The following HSPG2 variants were observed in gnomAD, a reference collection of about 807,000 sequenced individuals.
HSPG2 encodes heparan sulfate proteoglycan 2, also known as basement membrane-specific heparan sulfate proteoglycan core protein.
Under a neutral mutation model 526.6 loss-of-function variants are expected in HSPG2, and 278 were observed. The observed-to-expected ratio is 0.53, with a 90% CI of 0.48 to 0.58. The LOEUF (loss-of-function observed/expected upper bound fraction) is 0.58. Among genes scored for constraint, HSPG2 ranks in the 20% least tolerant of loss-of-function variants. HSPG2 has a pLI of 0.00. For synonymous variants in HSPG2, 2,465 were observed against 2,555.4 expected (o/e 0.96, Z 1.07); for missense variants, 5,354 against 6,099.5 (o/e 0.88, Z 4.07).
rs1288227508 is a variant in HSPG2 at position 21,872,307 on chromosome 1, A to C, written c.4100T>G (p.Leu1367Arg). Residue 1367 changes from leucine (L) to arginine (R), a missense_variant, in exon 33 of 97, where the codon CTG becomes CGG. Leu to Arg is a moderately radical substitution (Grantham distance 102). Transcript: ENST00000374695. The surrounding 1 kb of genome is among the most constrained non-coding windows in gnomAD (Gnocchi z 5.5). ...GGGTTCCACAGTGAATTCTCCTGTC[A>C]GGCGGCTGTTTCGCTGTGGGTTCAC... ...ALVNPQRNSR[L>R]TGEFTVEPVP... 6.4e-7 allele frequency: 1 copy of C among 1,573,514 alleles called. No individual in the cohort carries two copies. The highest frequency in any genetic ancestry group is 8.6e-7 in the Non-Finnish European group (1 of 1,159,264).
In HSPG2 at chr1:21,874,901, G is replaced by T. The variant is rs746636903; in HGVS notation, c.3404C>A (p.Pro1135Gln). Residue 1135 changes from proline to glutamine, a missense_variant, in exon 26 of 97, where the codon CCG (proline) becomes CAG (glutamine). Coordinates refer to ENST00000374695, the MANE Select transcript of HSPG2 (RefSeq NM_005529.7). Reference sequence around the variant, plus strand: ...GGGCCCAGGACTCACCTGGCAGGACGGCCCACGGTACCCGGGTGGGCAGGA... The same window carrying T: ...GGGCCCAGGACTCACCTGGCAGGACTGCCCACGGTACCCGGGTGGGCAGGA... ...QCSCPPGYRGPSCQDCDTGYT... is the reference protein window; with the variant it reads ...QCSCPPGYRGQSCQDCDTGYT... 2 of 1,611,126 alleles carry T rather than the reference G, an allele frequency of 1.2e-6. No homozygotes were observed. The highest frequency in any genetic ancestry group is 1.3e-5 in the African/African-American group (1 of 74,868).
chr1:21,873,907 C>G lies in HSPG2; in HGVS notation c.3743+18G>C. ...CCCCCTGTGCGCATCCCCCCACCCT[C>G]TCCACCCCCTGCCTCACCTCTCACA... is the stretch of plus-strand genomic sequence containing the variant. On this transcript the variant is annotated intron_variant, in intron 29 of 96. Transcript: ENST00000374695. The G allele has an allele frequency of 6.4e-7, 1 of 1,561,134 alleles. No homozygotes were observed.
rs368801694 is a variant in HSPG2, at chr1:21,861,809, C to T, written c.4903G>A (p.Gly1635Arg). The change falls in exon 39 of 97, where the codon GGG becomes AGG. Residue 1635 changes from glycine (G) to arginine (R), a missense_variant. Coordinates refer to ENST00000374695, the MANE Select transcript of HSPG2 (RefSeq NM_005529.7). ...SRTCESLGAG[G>R]YRCTACEPGY... ...GGTTCGCAGGCCGTGCAGCGGTACC[C>T]GCCGGCTCCCAGGCTCTCACAGGTG... 5.0e-5 allele frequency: 81 copies of T among 1,613,788 alleles called. No individual in the cohort carries two copies. Among genetic ancestry groups the T allele is most frequent in the Middle Eastern group, 1.6e-4 (1 of 6,062 alleles).
chr1:21,830,492 G>C (rs1022167842), intron 85 of HSPG2: 1 of 294,088 alleles, frequency 3.4e-6, no homozygotes, highest in African/African-American at 2.2e-5. Flanking sequence ...TTCAAGACCA[G>C]CCATGGCCAA....
intron 1 of HSPG2, among the ~76,000 whole-genome samples, chr1:21,897,372 G>A (rs1329109429): frequency 5.3e-5 from 8 of 152,174 alleles, no homozygotes; most frequent in Non-Finnish European, 1.0e-4. Context: ...AAACCCACAA[G>A]GGCTAGACAA....
At chr1:21,932,738 C>A (rs1394666987) in intron 1 of HSPG2, among the ~76,000 whole-genome samples, 2 of 152,136 alleles carry the variant, frequency 1.3e-5, no homozygotes, top group Non-Finnish European at 2.9e-5. Context: ...GACGCAGAGA[C>A]CCTAAGGTGG....
chr1:21,850,466 C>T lies in HSPG2; in HGVS notation c.7191G>A (p.Ala2397=), dbSNP rs2290499. ...THGSLLRLYQ[A]SPADSGEYVC... ...CGTACTCGCCCGAGTCGGCGGGGGACGCTTGGTAGAGTCTCAGCAGGGAGC... is the reference window on the plus strand; with the variant it reads ...CGTACTCGCCCGAGTCGGCGGGGGATGCTTGGTAGAGTCTCAGCAGGGAGC... Residue 2397 remains alanine (A), a synonymous_variant, in exon 56 of 97, where the codon GCG becomes GCA. Transcript: ENST00000374695. The T allele has an allele frequency of 1.7e-3, 2,675 of 1,611,986 alleles. 23 individuals are homozygous for T. Among genetic ancestry groups the T allele is most frequent in the East Asian group, 0.016 (700 of 44,836 alleles).
Position 21,859,912 on chromosome 1 carries a change from C to T in HSPG2, c.5105G>A (p.Gly1702Glu). ...CCAATAGAAGTAGTGGGGTGGGCTC[C>T]CACTGACCTGACACCGCAGGGAGTG... is the stretch of plus-strand genomic sequence containing the variant. ...GSHSLRCQVS[G>E]SPPHYFYWSR... is the part of the protein sequence containing the mutation. The change falls in exon 41 of 97, where the codon GGG (glycine) becomes GAG (glutamate). Residue 1702 changes from glycine (G) to glutamate (E), a missense_variant. By Grantham distance (98) the Gly-to-Glu change is moderately conservative. Transcript: ENST00000374695. This position sits in a 1 kb window ranked among gnomAD's most constrained non-coding sequence, Gnocchi z 5.3. The T allele has an allele frequency of 4.3e-6, 7 of 1,610,354 alleles. No individual in the cohort carries two copies. Among genetic ancestry groups the T allele is most frequent in the Non-Finnish European group, 5.9e-6 (7 of 1,179,298 alleles).
intron 33 of HSPG2, chr1:21,870,104 A>T (rs1335920812): frequency 1.3e-5 from 4 of 317,130 alleles, no homozygotes; most frequent in Admixed American, 6.5e-5. Flanking sequence ...CATAGGGGAA[A>T]TGGCCCAGGA....
At chr1:21,867,161 GC>G (rs1481777374) in intron 33 of HSPG2, among the ~76,000 whole-genome samples, 2 of 126,162 alleles carry the variant, frequency 1.6e-5, no homozygotes, top group Admixed American at 1.0e-4. Flanking sequence ...TCCCTATGTT[GC>G]TCAGGCTGGT....
intron 20 of HSPG2, 73 bp from the exon 21 acceptor site, chr1:21,878,326 G>C: frequency 6.3e-7 from 1 of 1,584,360 alleles, no homozygotes; most frequent in Non-Finnish European, 8.6e-7. Flanking sequence ...TAGAGGAACA[G>C]TGGCTCCCCA....
At chr1:21,911,873 C>T (rs553623597) in intron 1 of HSPG2, among the ~76,000 whole-genome samples, 29 of 152,310 alleles carry the variant, frequency 1.9e-4, no homozygotes, top group African/African-American at 5.8e-4. Context: ...CTCCAGCCCA[C>T]GCAGCTCTCT....
At chr1:21,909,583 G>T (rs1473401023) in intron 1 of HSPG2, among the ~76,000 whole-genome samples, 2 of 152,236 alleles carry the variant, frequency 1.3e-5, no homozygotes, top group East Asian at 1.9e-4. Flanking sequence ...TGCCTCATCA[G>T]TGGGGCTGGC....
rs562263180 is a variant in HSPG2, at chr1:21,842,306, G to A, written c.8985C>T (p.Ser2995=). The part of the protein sequence containing the change: ...DSGEYVCRAA[S]GPGPEQEASF... ...AGGCTTCTTGCTCAGGGCCTGGGCC[G>A]CTGGCTGCACGACACACATACTCGC... The change falls in exon 68 of 97, where the codon AGC becomes AGT. Residue 2995 remains serine, a synonymous_variant. Transcript: ENST00000374695. 36 of 1,612,942 alleles carry A rather than the reference G, an allele frequency of 2.2e-5. No homozygotes were observed. Among genetic ancestry groups the A allele is most frequent in the East Asian group, 8.9e-5 (4 of 44,878 alleles).
Position 21,884,581 on chromosome 1 carries a change from C to T in HSPG2, c.1601G>A (p.Arg534His), listed in dbSNP as rs138259006. 30 of 1,610,722 alleles carry T rather than the reference C, an allele frequency of 1.9e-5. 1 individual carries two copies. In the South Asian group the frequency reaches 2.1e-4, roughly 11 times the overall value. ...CAGCCTGATCTGGTCCCGGAAGCGG[C>T]GGGTGCTCTGGCACACGCTGGTGAT... ...FGITSVCQST[R>H]RFRDQIRLRF... The change falls in exon 13 of 97, where the codon CGC becomes CAC. Residue 534 changes from arginine to histidine, a missense_variant. By Grantham distance (29) the Arg-to-His change is conservative. Coordinates refer to ENST00000374695, the MANE Select transcript of HSPG2 (RefSeq NM_005529.7).
intron 33 of HSPG2, chr1:21,870,113 G>T: frequency 2.6e-6 from 1 of 388,636 alleles, no homozygotes; most frequent in Non-Finnish European, 3.5e-6. Flanking sequence ...AATGGCCCAG[G>T]AAAGCTGGAG....
At chr1:21,842,963 G>C (rs758751657) in intron 66 of HSPG2, 42 bp from the exon 67 acceptor site, 2 of 1,611,534 alleles carry the variant, frequency 1.2e-6, no homozygotes, top group South Asian at 1.1e-5. Context: ...AGGCTCCGGG[G>C]ATCAAGGCAG....
At chr1:21,916,137 C>T (rs1459843066) in intron 1 of HSPG2, among the ~76,000 whole-genome samples, 1 of 150,502 alleles carries the variant, frequency 6.6e-6, no homozygotes, top group African/African-American at 2.4e-5. Flanking sequence ...GAGGCTGAGG[C>T]GGGCAGATCA....
At chr1:21,829,126 C>T (rs1033163855) in intron 87 of HSPG2, 47 bp from the exon 88 acceptor site, 5 of 1,519,024 alleles carry the variant, frequency 3.3e-6, no homozygotes, top group Non-Finnish European at 4.4e-6. Context: ...GCACACGGGG[C>T]TCCCTGCCCT....
Sources: allele counts gnomAD v4.1 joint callset (sites outside exome capture counted in the v4.1 genomes callset), GRCh38; gene constraint gnomAD v4.1.1; non-coding constraint Gnocchi (gnomAD v3.1); transcripts MANE v1.5; gene names NCBI Gene and HGNC (gene_info 2026-07-23, HGNC 2026-07-21).